MVB12A: variants seen among roughly 807,000 people sequenced by gnomAD.
MVB12A encodes the protein multivesicular body subunit 12A.
A neutral mutation model predicts 34.3 loss-of-function variants in MVB12A; 30 were observed. The observed-to-expected ratio is 0.88, with a 90% confidence interval of 0.65 to 1.19. The LOEUF is 1.19. MVB12A is among the 50% of genes most tolerant of loss of function. The probability of loss-of-function intolerance (pLI) is 0.00; values close to 1 mark genes in which losing one functional copy is unlikely to be tolerated. For synonymous variants in MVB12A, 158 were observed against 158.9 expected (o/e 0.99, Z 0.04); for missense variants, 355 against 369.2 (o/e 0.96, Z 0.31).
intron 2 of MVB12A, 59 bp from the exon 3 acceptor site, chr19:17,420,479 T>G: frequency 6.3e-7 from 1 of 1,589,298 alleles, no homozygotes; most frequent in Non-Finnish European, 8.6e-7. Flanking sequence ...CGGTGCCCTA[T>G]GCCAGGTGCG....
Position 17,423,414 on chromosome 19 carries a change from G to A in MVB12A, c.414-84G>A, listed in dbSNP as rs1431368842. The A allele has an allele frequency of 5.4e-6, 8 of 1,479,658 alleles. No homozygotes were observed. In the East Asian group the frequency reaches 6.9e-5, roughly 13 times the overall value. The allele number at this position is 1,479,658 out of a possible 1,614,324, so 91.7% of individuals were successfully genotyped here. A position where few individuals can be genotyped will look rare whatever the true frequency, so the allele number is the denominator to read the frequency against. ...AAAGACAGAGGTCACCTGCATGCCC[G>A]GGTCCCCCGCCTTCTCCAGGGGCTA... On this transcript the variant is annotated intron_variant, in intron 4 of 8. Transcript: ENST00000317040.
At chr19:17,411,393 C>T (rs576974251) in intron 2 of MVB12A, among the ~76,000 whole-genome samples, 4 of 152,044 alleles carry the variant, frequency 2.6e-5, no homozygotes, top group Non-Finnish European at 5.9e-5. Flanking sequence ...CTTGTTCTGT[C>T]GCCCAGGCTG....
chr19:17,418,116 C>CA (rs1568390010), upstream of MVB12A: 1 of 152,604 alleles, frequency 6.6e-6, no homozygotes, highest in Non-Finnish European at 1.5e-5. Context: ...AGGATGGTCT[C>CA]AATTTATTGA....
chr19:17,416,987 C>T (rs116470421), upstream of MVB12A: 393 of 304,764 alleles, frequency 1.3e-3, no homozygotes, highest in African/African-American at 8.1e-3. Flanking sequence ...GCCATCACTC[C>T]TGGCATAGAA....
At chr19:17,415,830 G>C (rs149424192), upstream of MVB12A, 1,740 of 152,324 alleles carry the variant, frequency 0.011, 17 homozygotes, top group Non-Finnish European at 0.017. Context: ...CTGCACTCCA[G>C]CCTCGGCAAC....
chr19:17,416,717 CTTT>C (rs368707654), upstream of MVB12A, among the ~76,000 whole-genome samples: 5 of 140,514 alleles, frequency 3.6e-5, no homozygotes, highest in Non-Finnish European at 6.2e-5. Context: ...CTCAACCACC[CTTT>C]TTTTTTTTTT....
intron 8 of MVB12A, 44 bp downstream of exon 8, chr19:17,424,721 G>A (rs770484391): frequency 6.4e-7 from 1 of 1,560,834 alleles, no homozygotes; most frequent in Non-Finnish European, 8.7e-7. Context: ...GGCTAGGGAG[G>A]AGGTGCCTGA....
At chr19:17,420,274 G>C in intron 1 of MVB12A, 39 bp from the exon 2 acceptor site, 3 of 1,554,990 alleles carry the variant, frequency 1.9e-6, no homozygotes, top group African/African-American at 1.4e-5. Context: ...CAGTCGCTGT[G>C]GGGTGGGAGT....
At chr19:17,412,943 T>C (rs1241942831) in intron 2 of MVB12A, among the ~76,000 whole-genome samples, 1 of 152,134 alleles carries the variant, frequency 6.6e-6, no homozygotes, top group Non-Finnish European at 1.5e-5. Flanking sequence ...AGGGGTCACA[T>C]AGAGCTTGTA....
At chr19:17,410,938 A>AG (rs1300473936) in intron 2 of MVB12A, among the ~76,000 whole-genome samples, 7 of 145,976 alleles carry the variant, frequency 4.8e-5, no homozygotes, top group Non-Finnish European at 7.5e-5. Context: ...AAAAAAAAAA[A>AG]AAAAGAAAAG....
upstream of MVB12A, among the ~76,000 whole-genome samples, chr19:17,416,527 T>C (rs2074800780): frequency 6.8e-6 from 1 of 147,698 alleles, no homozygotes; most frequent in Non-Finnish European, 1.5e-5. Flanking sequence ...GCAATTCTCC[T>C]CTCTCAGCCT....
At chr19:17,422,210 C>T (rs938642390) in intron 3 of MVB12A, 122 bp from the exon 4 acceptor site, 1 of 834,216 alleles carries the variant, frequency 1.2e-6, no homozygotes, top group Non-Finnish European at 1.9e-6. Flanking sequence ...CACCCCCATC[C>T]CCAATGTTGT....
chr19:17,418,907 G>C (rs1161308300), upstream of MVB12A: 3 of 53,066 alleles, frequency 5.7e-5, no homozygotes, highest in South Asian at 2.0e-3. Context: ...AAAAAAAAAG[G>C]CACAGCTGCT....
chr19:17,422,683 G>A (rs2074845778), intron 4 of MVB12A: 2 of 304,364 alleles, frequency 6.6e-6, no homozygotes, highest in East Asian at 1.2e-4. Flanking sequence ...GGGCGCGGTG[G>A]CTCACGCCTG....
chr19:17,419,328 G>C (rs1422710468), upstream of MVB12A: 1 of 152,148 alleles, frequency 6.6e-6, no homozygotes, highest in African/African-American at 2.4e-5. Context: ...TTTCCGATTG[G>C]ATGTTCCTTC....
At chr19:17,424,503 G>C in intron 7 of MVB12A, 118 bp from the exon 8 acceptor site, 17 of 1,045,076 alleles carry the variant, frequency 1.6e-5, no homozygotes, top group Non-Finnish European at 2.3e-5. Context: ...ATAAGGGGGA[G>C]GGATGTCCGA....
intron 2 of MVB12A, among the ~76,000 whole-genome samples, chr19:17,409,353 A>G (rs946083142): frequency 6.7e-6 from 1 of 148,672 alleles, no homozygotes; most frequent in Non-Finnish European, 1.5e-5. Context: ...CTGGTCTCGA[A>G]CTCCCGACCT....
chr19:17,416,025 C>T (rs77042801), upstream of MVB12A, among the ~76,000 whole-genome samples: 29 of 152,298 alleles, frequency 1.9e-4, no homozygotes, highest in East Asian at 4.6e-3. Context: ...GCTACTGGGT[C>T]GAGCTAACTT....
intron 8 of MVB12A, 22 bp from the exon 9 acceptor site, chr19:17,424,907 ACT>A (rs753209183): frequency 3.8e-5 from 59 of 1,555,258 alleles, no homozygotes; most frequent in South Asian, 7.0e-5. Flanking sequence ...GCACCTGTTC[ACT>A]CTCTCTCTCC....
Sources: allele counts gnomAD v4.1 joint callset (sites outside exome capture counted in the v4.1 genomes callset), GRCh38; gene constraint gnomAD v4.1.1; transcripts MANE v1.5; gene names NCBI Gene and HGNC (gene_info 2026-07-23, HGNC 2026-07-21).